The following ABCA1 variants were observed in gnomAD, a reference collection of about 807,000 sequenced individuals.
ABCA1 encodes phospholipid-transporting ATPase ABCA1.
In ABCA1, 133 loss-of-function variants were observed where a neutral mutation model predicts 262.5. The ratio of observed to expected loss-of-function variants is 0.51; its 90% CI spans 0.44 to 0.59. The LOEUF is 0.59. Ranked by LOEUF, ABCA1 falls within the 20% of genes least tolerant of loss-of-function variation. ABCA1 has a pLI of 0.00. For synonymous variants in ABCA1, 1,022 were observed against 1,043.5 expected (o/e 0.98, Z 0.40); for missense variants, 2,452 against 2,777.5 (o/e 0.88, Z 2.63).
chr9:104,912,333 A>G (rs772538939), intron 1 of ABCA1, among the ~76,000 whole-genome samples: 22 of 152,302 alleles, frequency 1.4e-4, no homozygotes, highest in Admixed American at 5.2e-4. Flanking sequence ...CAGGAGTTTG[A>G]GGCTGCAGTG....
Position 104,787,914 on chromosome 9 carries a change from A to T in ABCA1, c.6204+6T>A. On this transcript the variant is annotated splice_donor_region_variant and intron_variant, in intron 46 of 49. Coordinates refer to ENST00000374736, the MANE Select transcript of ABCA1 (RefSeq NM_005502.4). ...ACAACAGTTTTCCATCCACAGTTAT[A>T]CTCACCAGAAACACCACAGGAGGCC... is the stretch of plus-strand genomic sequence containing the variant. 6.2e-7 allele frequency: 1 copy of T among 1,613,830 alleles called. No homozygotes were observed. The highest frequency in any genetic ancestry group is 8.5e-7 in the Non-Finnish European group (1 of 1,179,872).
intron 5 of ABCA1, among the ~76,000 whole-genome samples, chr9:104,880,720 CAG>C (rs1375393594): frequency 1.2e-4 from 18 of 152,074 alleles, no homozygotes; most frequent in Non-Finnish European, 1.0e-4. Flanking sequence ...ACTGCGTGAA[CAG>C]AGAGATGTAA....
chr9:104,825,869 C>T lies in ABCA1; in HGVS notation c.2356G>A (p.Ala786Thr), dbSNP rs751433225. The change falls in exon 17 of 50, where the codon GCT becomes ACT. Residue 786 changes from alanine to threonine, a missense_variant. This residue lies in a region of ABCA1 where 1,032 missense variants were observed against 1,089.7 expected (regional missense o/e 0.95). Transcript: ENST00000374736. ...AAGTACTCACAGCCAAACCCAAAAG[C>T]CACAGGAGACAGCAGGCTCTGTGAG... ...KIFASLLSPVAFGFGCEYFAL... is the reference protein window; with the variant it reads ...KIFASLLSPVTFGFGCEYFAL... 1.2e-6 allele frequency: 2 copies of T among 1,614,130 alleles called. No individual in the cohort carries two copies. The highest frequency in any genetic ancestry group is 8.5e-7 in the Non-Finnish European group (1 of 1,180,038).
rs1246359262 is a variant in ABCA1 at position 104,783,971 on chromosome 9, C to A, written c.*344G>T. 3 of 215,110 alleles carry A rather than the reference C, an allele frequency of 1.4e-5. No individual in the cohort carries two copies. The highest frequency in any genetic ancestry group is 2.8e-5 in the Non-Finnish European group (3 of 107,336). 13.3% of individuals were successfully genotyped at this position (215,110 alleles called of 1,614,324 possible). On this transcript the variant is annotated 3_prime_UTR_variant, in exon 50 of 50. Transcript: ENST00000374736. ...ATTACTTGATGAATTATTGTTGCAA[C>A]CCCAATGAGAATACACAGGAACAAA...
intron 39 of ABCA1, 117 bp from the exon 40 acceptor site, chr9:104,794,627 T>C (rs1829732168): frequency 3.1e-6 from 4 of 1,269,938 alleles, no homozygotes; most frequent in Non-Finnish European, 4.3e-6. Context: ...GAAGAAAAAA[T>C]TTGATTCTCT....
chr9:104,788,768 G>A (rs1361606690), intron 44 of ABCA1, among the ~76,000 whole-genome samples: 1 of 152,184 alleles, frequency 6.6e-6, no homozygotes, highest in Non-Finnish European at 1.5e-5. Context: ...ACCCTCCCCA[G>A]TCCTTGCACC....
intron 8 of ABCA1, among the ~76,000 whole-genome samples, chr9:104,842,792 A>C (rs1313780858): frequency 6.6e-6 from 1 of 152,068 alleles, no homozygotes; most frequent in African/African-American, 2.4e-5. Flanking sequence ...TAAACAGTCT[A>C]AACTCTAGAT....
intron 6 of ABCA1, among the ~76,000 whole-genome samples, chr9:104,861,056 A>C (rs572499386): frequency 1.8e-3 from 277 of 152,240 alleles, no homozygotes; most frequent in African/African-American, 6.5e-3. Flanking sequence ...AGACCTTTGA[A>C]GTGATCTCGT....
At chr9:104,812,792 TG>T in intron 27 of ABCA1, 70 bp from the exon 28 acceptor site, 1 of 1,594,020 alleles carries the variant, frequency 6.3e-7, no homozygotes. Context: ...CTCCTTCTTC[TG>T]GTGTCTTCAA....
chr9:104,786,211 TG>T, intron 48 of ABCA1, 86 bp downstream of exon 48: 8 of 1,147,742 alleles, frequency 7.0e-6, no homozygotes, highest in Non-Finnish European at 1.0e-5. Context: ...TTTCCCTTTA[TG>T]TTAGAGGCAC....
chr9:104,855,955 G>C (rs1307036674), intron 7 of ABCA1: 1 of 1,612,728 alleles, frequency 6.2e-7, no homozygotes, highest in African/African-American at 1.3e-5. Flanking sequence ...TTCCACTTTT[G>C]GTACAGAAGC....
Position 104,794,487 on chromosome 9 carries a change from G to T in ABCA1, c.5406C>A (p.Ile1802=), listed in dbSNP as rs141980942. Residue 1802 remains isoleucine, a synonymous_variant, in exon 40 of 50, where the codon ATC becomes ATA. Coordinates refer to ENST00000374736, the MANE Select transcript of ABCA1 (RefSeq NM_005502.4). The part of the protein sequence containing the change: ...TDNKLNNIND[I]LKSVFLIFPH... ...GGAAGATCAAGAACACGGACTTCAG[G>T]ATATCATTGATATTATTCAGCTTCT... is the stretch of plus-strand genomic sequence containing the variant. 81 of 1,146,054 alleles carry T rather than the reference G, an allele frequency of 7.1e-5. No individual in the cohort carries two copies. In the African/African-American group the frequency reaches 1.2e-3, roughly 17 times the overall value. The allele number at this position is 1,146,054 out of a possible 1,614,324, so 71.0% of individuals were successfully genotyped here.
At position 104,799,810 on chromosome 9, in the gene ABCA1, C is replaced by G; in HGVS notation, c.4943+9G>C. 6.2e-7 allele frequency: 1 copy of G among 1,614,160 alleles called. No individual in the cohort carries two copies. Among genetic ancestry groups the G allele is most frequent in the Non-Finnish European group, 8.5e-7 (1 of 1,180,022 alleles). Reference sequence around the variant, plus strand: ...CCCACTCCATCTATACAGACACAGCCACACTTACAGAGCCACCTCTGAGAG... The same window carrying G: ...CCCACTCCATCTATACAGACACAGCGACACTTACAGAGCCACCTCTGAGAG... On this transcript the variant is annotated intron_variant, in intron 36 of 49. Coordinates refer to ENST00000374736, the MANE Select transcript of ABCA1 (RefSeq NM_005502.4).
rs1243735940 is a variant in ABCA1 at position 104,818,868 on chromosome 9, A to G, written c.3257T>C (p.Leu1086Pro). Residue 1086 changes from leucine (L) to proline (P), a missense_variant, in exon 23 of 50, where the codon CTC (leucine) becomes CCC (proline). Coordinates refer to ENST00000374736, the MANE Select transcript of ABCA1 (RefSeq NM_005502.4). The stretch of plus-strand genomic sequence containing the variant: ...CGCTTCATCCATGTGGTGTGTAGAG[A>G]GAATAATGGTGCGGCCTGCCAGGCA... ...LKYRQGRTII[L>P]STHHMDEADV... 2 of 1,613,528 alleles carry G rather than the reference A, an allele frequency of 1.2e-6. No homozygotes were observed. The highest frequency in any genetic ancestry group is 1.7e-5 in the Admixed American group (1 of 60,000).
chr9:104,856,167 G>A, intron 7 of ABCA1: 1 of 1,465,690 alleles, frequency 6.8e-7, no homozygotes, highest in South Asian at 1.4e-5. Context: ...ATCAGTCCCA[G>A]CATTCCAATT....
At position 104,785,506 on chromosome 9, in the gene ABCA1, G is replaced by T. The variant is rs1003967395; in HGVS notation, c.6535C>A (p.Gln2179Lys). 1 of 1,613,646 alleles carries T rather than the reference G, an allele frequency of 6.2e-7. No homozygotes were observed. Reference protein sequence around the residue: ...KEKHRNMLQYQLPSSLSSLAR... With the variant: ...KEKHRNMLQYKLPSSLSSLAR... Reference sequence around the variant, plus strand: ...AGAGAAGATAATGAAGATGGAAGCTGGTATTGTAGCATGTTCCGGTGTTTC... The same window carrying T: ...AGAGAAGATAATGAAGATGGAAGCTTGTATTGTAGCATGTTCCGGTGTTTC... The change falls in exon 49 of 50, where the codon CAG (glutamine) becomes AAG (lysine). Residue 2179 changes from glutamine (Q) to lysine (K), a missense_variant. By Grantham distance (53) the Gln-to-Lys change is moderately conservative. Transcript: ENST00000374736.
chr9:104,893,733 C>A (rs77258145), intron 2 of ABCA1, among the ~76,000 whole-genome samples: 2,957 of 152,152 alleles, frequency 0.019, 113 homozygotes, highest in African/African-American at 0.068. Context: ...CAGAGATAGT[C>A]AGTAGCGGGG....
At chr9:104,816,110 C>CTA (rs755618107) in intron 25 of ABCA1, 33 bp downstream of exon 25, 1 of 1,611,914 alleles carries the variant, frequency 6.2e-7, no homozygotes, top group Non-Finnish European at 8.5e-7. Flanking sequence ...TTTGGCCTTG[C>CTA]TATATATTCC....
chr9:104,825,633 G>T, intron 17 of ABCA1, 50 bp downstream of exon 17: 1 of 1,573,032 alleles, frequency 6.4e-7, no homozygotes, highest in South Asian at 1.1e-5. Context: ...ACAAAGAAAG[G>T]ACATCAGCTA....
Sources: gnomAD v4.1 joint callset for allele counts (sites outside exome capture counted in the v4.1 genomes callset) on GRCh38, gnomAD v4.1.1 for gene constraint, gnomAD v4.1.1 regional missense constraint, MANE v1.5 for transcripts, NCBI Gene and HGNC (gene_info 2026-07-23, HGNC 2026-07-21) for gene names.